RASA3: variants seen among roughly 807,000 people sequenced by gnomAD.
The protein encoded by RASA3 is RAS p21 protein activator 3.
RASA3 carries 73 observed loss-of-function variants against 110.0 expected under a neutral mutation model. That is an observed-to-expected ratio of 0.66 (90% confidence interval 0.55 to 0.81). The LOEUF is 0.81. RASA3 is among the 30% of genes least tolerant of loss of function. RASA3 has a pLI of 0.00. For missense variants in RASA3, 976 were observed against 1,113.2 expected (o/e 0.88, Z 1.75); for synonymous variants, 500 against 451.4 (o/e 1.11, Z -1.37).
chr13:114,083,247 A>C (rs920586784), intron 1 of RASA3, among the ~76,000 whole-genome samples: 2 of 152,246 alleles, frequency 1.3e-5, no homozygotes, highest in African/African-American at 4.8e-5. Context: ...TAACCGCTAT[A>C]TACAAGATTA....
chr13:114,016,342 C>T, intron 12 of RASA3, 71 bp from the exon 13 acceptor site: 1 of 1,187,458 alleles, frequency 8.4e-7, no homozygotes, highest in South Asian at 1.2e-5. Context: ...TGGAAGGGGT[C>T]TCAGGCCTGG....
In RASA3 at chr13:113,996,520, C is replaced by T. The variant is rs766927768; in HGVS notation, c.2141+11G>A. 52 of 1,610,162 alleles carry T rather than the reference C, an allele frequency of 3.2e-5. No homozygotes were observed. In the East Asian group the frequency reaches 1.2e-3, roughly 36 times the overall value. On this transcript the variant is annotated intron_variant, in intron 21 of 23. Transcript: ENST00000334062. ...ACAGTGCACGAGCTGGGCACCGAGG[C>T]ACAGACCTACCCAGTGCAGGGCGAG...
intron 21 of RASA3, among the ~76,000 whole-genome samples, chr13:113,995,307 G>A (rs879924035): frequency 6.6e-6 from 1 of 152,258 alleles, no homozygotes; most frequent in Non-Finnish European, 1.5e-5. Flanking sequence ...ATTCTGGGGC[G>A]GTGGCCACGC....
chr13:114,017,548 A>G (rs1168344005), intron 11 of RASA3, among the ~76,000 whole-genome samples, 197 bp from the exon 12 acceptor site: 1 of 152,204 alleles, frequency 6.6e-6, no homozygotes, highest in Non-Finnish European at 1.5e-5. Context: ...CTGTGTCAAC[A>G]CTGCCAGAGG....
chr13:114,041,882 G>GCTT (rs2054416902), intron 3 of RASA3, among the ~76,000 whole-genome samples: 1 of 151,470 alleles, frequency 6.6e-6, no homozygotes, highest in Non-Finnish European at 1.5e-5. Flanking sequence ...GCCTTCTCCA[G>GCTT]ACGGAGGAGA....
chr13:114,058,217 G>A (rs571677693), intron 2 of RASA3, among the ~76,000 whole-genome samples: 9 of 152,248 alleles, frequency 5.9e-5, no homozygotes, highest in African/African-American at 1.9e-4. Context: ...CAAGACCCCC[G>A]AGATGCCATG....
At chr13:114,052,400 A>T (rs2079160522) in intron 2 of RASA3, among the ~76,000 whole-genome samples, 1 of 152,148 alleles carries the variant, frequency 6.6e-6, no homozygotes, top group African/African-American at 2.4e-5. Flanking sequence ...GCGGCCCGGA[A>T]GCTGAGACCT....
In RASA3 at chr13:114,096,092, C is replaced by T. The variant is rs1594448500; in HGVS notation, c.56-22255G>A. On this transcript the variant is annotated intron_variant, in intron 1 of 23. Coordinates refer to ENST00000334062, the MANE Select transcript of RASA3 (RefSeq NM_007368.4). The surrounding 1 kb of genome is among the most constrained non-coding windows in gnomAD (Gnocchi z 5.1). ...CGGGAGGGGGTGCTCTCCAGGTGGC[C>T]CTGGCGGCATCGGTGTGCTGGGAAG... is the stretch of plus-strand genomic sequence containing the variant. Among the ~76,000 whole-genome samples the T allele has an allele frequency of 6.6e-6, 1 of 152,156 alleles. No homozygotes were observed. Among genetic ancestry groups the T allele is most frequent in the East Asian group, 1.9e-4 (1 of 5,154 alleles).
At chr13:114,038,552 C>T (rs528055408) in intron 4 of RASA3, among the ~76,000 whole-genome samples, 4 of 152,328 alleles carry the variant, frequency 2.6e-5, no homozygotes, top group East Asian at 1.9e-4. Context: ...CCTTAATTTC[C>T]GTCAAGGGCC....
At chr13:114,055,486 A>G (rs1341786170) in intron 2 of RASA3, among the ~76,000 whole-genome samples, 1 of 152,198 alleles carries the variant, frequency 6.6e-6, no homozygotes, top group Non-Finnish European at 1.5e-5. Flanking sequence ...AACCACTATC[A>G]ACCTCGAAGC....
chr13:114,027,114 CCTTT>C (rs1302692720), intron 7 of RASA3, among the ~76,000 whole-genome samples: 2 of 152,252 alleles, frequency 1.3e-5, no homozygotes, highest in Non-Finnish European at 2.9e-5. Flanking sequence ...CAACGAATGA[CCTTT>C]CTCTCTTGGG....
At chr13:114,121,550 C>T (rs2080377660) in intron 1 of RASA3, among the ~76,000 whole-genome samples, 1 of 152,186 alleles carries the variant, frequency 6.6e-6, no homozygotes, top group Non-Finnish European at 1.5e-5. Flanking sequence ...CATACATGTG[C>T]ATGTGTGCAA....
At chr13:114,081,842 C>A (rs549827618) in intron 1 of RASA3, among the ~76,000 whole-genome samples, 2 of 152,318 alleles carry the variant, frequency 1.3e-5, no homozygotes, top group South Asian at 2.1e-4. Context: ...GCACAGGAAC[C>A]CCCAGGGCCC....
intron 2 of RASA3, among the ~76,000 whole-genome samples, chr13:114,062,852 T>C (rs1285687703): frequency 6.6e-6 from 1 of 152,212 alleles, no homozygotes; most frequent in Non-Finnish European, 1.5e-5. Context: ...GCCTGGACCC[T>C]GGCCCCACAC....
rs116745893 is a variant in RASA3, at chr13:114,106,634, C to T, written c.55+25801G>A. On this transcript the variant is annotated intron_variant, in intron 1 of 23. Coordinates refer to ENST00000334062, the MANE Select transcript of RASA3 (RefSeq NM_007368.4). ...CAAGTCCCACTTAGAACACGCTTCC[C>T]GCTCCGGAGCATAAGCCCCTGGCGT... 6.4e-3 allele frequency among the ~76,000 whole-genome samples: 982 copies of T among 152,332 alleles called. 11 individuals are homozygous for T. The highest frequency in any genetic ancestry group is 0.022 in the African/African-American group (935 of 41,576).
chr13:113,978,051 C>T lies in RASA3; in HGVS notation c.*1296G>A, dbSNP rs188002576. ...GGGAGAAGTCGGTACAAGGATACGTCGTGCTGTGTATTTAAACGGCGCTTC... is the reference window on the plus strand; with the variant it reads ...GGGAGAAGTCGGTACAAGGATACGTTGTGCTGTGTATTTAAACGGCGCTTC... On this transcript the variant is annotated 3_prime_UTR_variant, in exon 24 of 24. Transcript: ENST00000334062. 2.6e-5 allele frequency: 4 copies of T among 152,306 alleles called. No individual in the cohort carries two copies. Among genetic ancestry groups the T allele is most frequent in the Admixed American group, 1.3e-4 (2 of 15,292 alleles). The allele number at this position is 152,306 out of a possible 1,614,324, so 9.4% of individuals were successfully genotyped here.
intron 18 of RASA3, among the ~76,000 whole-genome samples, chr13:114,005,139 C>A (rs542273666): frequency 6.6e-6 from 1 of 152,074 alleles, no homozygotes; most frequent in Non-Finnish European, 1.5e-5. Context: ...GAGGTGGGAG[C>A]GGGAGAGGAA....
chr13:114,003,717 C>T (rs896215698), intron 18 of RASA3, among the ~76,000 whole-genome samples: 4 of 152,194 alleles, frequency 2.6e-5, no homozygotes, highest in Non-Finnish European at 4.4e-5. Flanking sequence ...CATGTCCCAG[C>T]TCACAGCCTA....
intron 2 of RASA3, among the ~76,000 whole-genome samples, chr13:114,070,172 GGGGGGCCGGGAGACTT>G (rs1566549128): frequency 9.3e-6 from 1 of 107,710 alleles, no homozygotes; most frequent in Non-Finnish European, 1.9e-5. Context: ...TGGGAGACTC[GGGGGGCCGGGAGACTT>G]GGGGGCTGGG....
Sources: gnomAD v4.1 joint callset for allele counts (sites outside exome capture counted in the v4.1 genomes callset) on GRCh38, gnomAD v4.1.1 for gene constraint, Gnocchi (gnomAD v3.1) non-coding constraint, MANE v1.5 for transcripts, NCBI Gene and HGNC (gene_info 2026-07-23, HGNC 2026-07-21) for gene names.